Variants in VWA8 observed in about 807,000 individuals in gnomAD.
The protein encoded by VWA8 is von Willebrand factor A domain-containing protein 8.
A neutral mutation model predicts 241.5 loss-of-function variants in VWA8; 221 were observed. The ratio of observed to expected loss-of-function variants is 0.91; its 90% CI spans 0.82 to 1.02. The LOEUF (loss-of-function observed/expected upper bound fraction) is 1.02, where lower values mean the gene tolerates loss of function less well. Among genes scored for constraint, VWA8 ranks in the 50% least tolerant of loss-of-function variants. The pLI is 0.00. For synonymous variants in VWA8, 852 were observed against 827.1 expected (o/e 1.03, Z -0.52); for missense variants, 2,322 against 2,328.7 (o/e 1.00, Z 0.06).
intron 2 of VWA8, among the ~76,000 whole-genome samples, chr13:41,940,774 T>C (rs577129409): frequency 6.6e-6 from 1 of 152,170 alleles, no homozygotes; most frequent in Non-Finnish European, 1.5e-5. Flanking sequence ...ACACAGTTGC[T>C]CATAAGATTA....
intron 17 of VWA8, among the ~76,000 whole-genome samples, chr13:41,793,575 A>C (rs561756281): frequency 6.6e-6 from 1 of 152,262 alleles, no homozygotes; most frequent in Non-Finnish European, 1.5e-5. Context: ...GCACTTTGGG[A>C]GGACAAGGCG....
In VWA8 at chr13:41,610,539, G is replaced by A. The variant is rs1043014377; in HGVS notation, c.4877+1037C>T. 2.0e-5 allele frequency among the ~76,000 whole-genome samples: 3 copies of A among 151,100 alleles called. No homozygotes were observed. The East Asian group carries it at 5.9e-4, about 30-fold the overall frequency. ...TGGCAGGCTTTCCTGAGGGTGTGGC[G>A]GCAGGGCCTGCATTCTTGTCTCTAT... On this transcript the variant is annotated intron_variant, in intron 39 of 44. Transcript: ENST00000379310.
chr13:41,888,629 C>A (rs975498119), intron 5 of VWA8, among the ~76,000 whole-genome samples: 6 of 152,152 alleles, frequency 3.9e-5, no homozygotes, highest in African/African-American at 7.2e-5. Flanking sequence ...AAACTCAGAT[C>A]CCCTTCCCTC....
chr13:41,667,695 T>G (rs1229677352), intron 37 of VWA8, among the ~76,000 whole-genome samples: 2 of 152,068 alleles, frequency 1.3e-5, no homozygotes, highest in Non-Finnish European at 2.9e-5. Flanking sequence ...TTTAACAGCT[T>G]TCTTGGAAGG....
At chr13:41,773,522 T>A (rs985170002) in intron 20 of VWA8, among the ~76,000 whole-genome samples, 35 of 152,190 alleles carry the variant, frequency 2.3e-4, no homozygotes, top group African/African-American at 8.2e-4. Context: ...TGCCAGTCCT[T>A]AGCAAAGCAC....
chr13:41,615,996 T>C (rs1566388732), intron 37 of VWA8, among the ~76,000 whole-genome samples: 1 of 152,244 alleles, frequency 6.6e-6, no homozygotes, highest in Non-Finnish European at 1.5e-5. Context: ...AATGTACTGA[T>C]GGAACATTCT....
In VWA8 at chr13:41,729,647, C is replaced by T. The variant is rs764528146; in HGVS notation, c.2533G>A (p.Val845Ile). 64 of 1,612,610 alleles carry T rather than the reference C, an allele frequency of 4.0e-5. No homozygotes were observed. The highest frequency in any genetic ancestry group is 8.9e-5 in the East Asian group (4 of 44,798). ...VKAVKLGHILVVDEADKAPTN... is the reference protein window; with the variant it reads ...VKAVKLGHILIVDEADKAPTN... Reference sequence around the variant, plus strand: ...GGAGCTTTGTCAGCCTCATCTACTACCAGAATATGACCCAACTTTACTGCT... The same window carrying T: ...GGAGCTTTGTCAGCCTCATCTACTATCAGAATATGACCCAACTTTACTGCT... Residue 845 changes from valine to isoleucine, a missense_variant, in exon 23 of 45, where the codon GTA (valine) becomes ATA (isoleucine). Physicochemically the swap from Val to Ile is conservative, Grantham distance 29. Transcript: ENST00000379310.
At chr13:41,654,653 C>T (rs1174414296) in intron 37 of VWA8, among the ~76,000 whole-genome samples, 1 of 152,168 alleles carries the variant, frequency 6.6e-6, no homozygotes, top group Admixed American at 6.5e-5. Flanking sequence ...CCTGCCAGCT[C>T]CTCACTTCTT....
chr13:41,897,981 C>T (rs934582888), intron 4 of VWA8, among the ~76,000 whole-genome samples: 4 of 152,280 alleles, frequency 2.6e-5, no homozygotes, highest in Admixed American at 6.5e-5. Flanking sequence ...CTGAGCTAGA[C>T]ACAAAGGTTC....
intron 21 of VWA8, among the ~76,000 whole-genome samples, chr13:41,753,409 C>T (rs1292620764): frequency 6.6e-6 from 1 of 152,066 alleles, no homozygotes. Context: ...GGAAATACAG[C>T]TACAGAAGTT....
At chr13:41,936,139 C>T (rs972977170) in intron 2 of VWA8, among the ~76,000 whole-genome samples, 1 of 152,130 alleles carries the variant, frequency 6.6e-6, no homozygotes, top group Non-Finnish European at 1.5e-5. Flanking sequence ...CATATGAACT[C>T]ATATTTCTCC....
chr13:41,573,128 GAAAC>G (rs1273599652), intron 43 of VWA8, among the ~76,000 whole-genome samples: 4 of 123,596 alleles, frequency 3.2e-5, no homozygotes, highest in African/African-American at 1.3e-4. Context: ...AAAAAAAAAA[GAAAC>G]AAGCCAGGCA....
In VWA8 at chr13:41,577,946, G is replaced by A. The variant is rs368021401; in HGVS notation, c.5272-2108C>T. On this transcript the variant is annotated intron_variant, in intron 42 of 44. Coordinates refer to ENST00000379310, the MANE Select transcript of VWA8 (RefSeq NM_015058.2). ...CAGTCAACAAATACAGTTTTTAGCT[G>A]GTCTTTAGTAAAACAAGATACTGGC... 3.2e-4 allele frequency among the ~76,000 whole-genome samples: 48 copies of A among 152,224 alleles called. No individual in the cohort carries two copies. In the East Asian group the frequency reaches 4.2e-3, roughly 13 times the overall value.
chr13:41,635,643 G>A (rs1452252446), intron 37 of VWA8, among the ~76,000 whole-genome samples: 1 of 152,128 alleles, frequency 6.6e-6, no homozygotes, highest in Non-Finnish European at 1.5e-5. Context: ...AGAACTGGGA[G>A]GGGATCTGTA....
chr13:41,575,815 T>G lies in VWA8; in HGVS notation c.5295A>C (p.Gly1765=), dbSNP rs996419566. Residue 1765 remains glycine (G), a synonymous_variant, in exon 43 of 45, where the codon GGA becomes GGC. Coordinates refer to ENST00000379310, the MANE Select transcript of VWA8 (RefSeq NM_015058.2). ...GAACCAGACCAATGTTGTAGCCATC[T>G]CCAGAGTGTCCAACGATGTCATACT... ...KFQYDIVGHS[G]DGYNIGLVPM... is the part of the protein sequence containing the mutation. 6.2e-7 allele frequency: 1 copy of G among 1,612,836 alleles called. No homozygotes were observed. The highest frequency in any genetic ancestry group is 8.5e-7 in the Non-Finnish European group (1 of 1,179,812).
intron 21 of VWA8, among the ~76,000 whole-genome samples, chr13:41,744,869 G>C (rs1172787942): frequency 6.6e-6 from 1 of 151,812 alleles, no homozygotes; most frequent in Admixed American, 6.6e-5. Flanking sequence ...ATGGAGTCTT[G>C]CTCTGTCACC....
intron 37 of VWA8, among the ~76,000 whole-genome samples, chr13:41,663,645 C>T (rs559727451): frequency 1.3e-5 from 2 of 151,848 alleles, no homozygotes; most frequent in African/African-American, 4.8e-5. Context: ...GATTATTTTT[C>T]CTCTCCCACC....
chr13:41,871,781 T>C (rs1163696964), intron 9 of VWA8, among the ~76,000 whole-genome samples: 2 of 152,190 alleles, frequency 1.3e-5, no homozygotes, highest in African/African-American at 4.8e-5. Context: ...TGCATGTGTC[T>C]TTATAGCAGC....
chr13:41,591,396 A>T (rs2044453908), intron 40 of VWA8, among the ~76,000 whole-genome samples: 1 of 152,232 alleles, frequency 6.6e-6, no homozygotes, highest in African/African-American at 2.4e-5. Flanking sequence ...ATGATAAAGA[A>T]TTATAGTATC....
Sources: allele counts gnomAD v4.1 joint callset (sites outside exome capture counted in the v4.1 genomes callset), GRCh38; gene constraint gnomAD v4.1.1; transcripts MANE v1.5; gene names NCBI Gene and HGNC (gene_info 2026-07-23, HGNC 2026-07-21).